Variants in DLGAP2 observed in about 807,000 individuals in gnomAD.
DLGAP2 encodes DLG associated protein 2.
A neutral mutation model predicts 100.3 loss-of-function variants in DLGAP2; 26 were observed. That is an observed-to-expected ratio of 0.26 (90% CI 0.19 to 0.36). The LOEUF (loss-of-function observed/expected upper bound fraction) is 0.36. DLGAP2 is among the 10% of genes least tolerant of loss of function. The pLI, the probability that DLGAP2 is intolerant of heterozygous loss-of-function variation, is 1.00. For synonymous variants in DLGAP2, 886 were observed against 630.1 expected (o/e 1.41, Z -6.08); for missense variants, 1,858 against 1,453.2 (o/e 1.28, Z -4.53).
chr8:1,309,150 A>T (rs1225694649), intron 3 of DLGAP2, among the ~76,000 whole-genome samples: 1 of 152,186 alleles, frequency 6.6e-6, no homozygotes, highest in East Asian at 1.9e-4. Context: ...AGAGTCTCCG[A>T]AAAGGGAAAA....
At chr8:942,312 T>C (rs1210321499) in intron 2 of DLGAP2, among the ~76,000 whole-genome samples, 1 of 152,212 alleles carries the variant, frequency 6.6e-6, no homozygotes, top group African/African-American at 2.4e-5. Context: ...ACATTTATTC[T>C]TCCCACTTCA....
chr8:823,027 T>C (rs1490558721), intron 1 of DLGAP2, among the ~76,000 whole-genome samples: 2 of 152,134 alleles, frequency 1.3e-5, no homozygotes, highest in Non-Finnish European at 2.9e-5. Flanking sequence ...CCAGAGGTGC[T>C]TTGCACTGAT....
chr8:1,011,754 G>C (rs1432042148), intron 2 of DLGAP2, among the ~76,000 whole-genome samples: 2 of 151,948 alleles, frequency 1.3e-5, no homozygotes, highest in Non-Finnish European at 1.5e-5. Context: ...AGTCTGCACA[G>C]TGGGCCCTGG....
At chr8:1,093,500 C>G (rs1265764635) in intron 2 of DLGAP2, among the ~76,000 whole-genome samples, 1 of 151,348 alleles carries the variant, frequency 6.6e-6, no homozygotes, top group African/African-American at 2.4e-5. Flanking sequence ...CAGCCAGAAA[C>G]ACCTTCACAC....
intron 1 of DLGAP2, among the ~76,000 whole-genome samples, chr8:850,888 C>A (rs1225614152): frequency 5.3e-5 from 8 of 151,824 alleles, no homozygotes; most frequent in Admixed American, 5.2e-4. Context: ...ACAAATTTTT[C>A]TCACAAAATA....
intron 1 of DLGAP2, among the ~76,000 whole-genome samples, chr8:893,748 C>T (rs1020735160): frequency 6.6e-6 from 1 of 152,248 alleles, no homozygotes; most frequent in Admixed American, 6.5e-5. Context: ...GTTTGCAGAG[C>T]ACCAGCCCTG....
chr8:1,651,588 C>T (rs1233425694), intron 8 of DLGAP2, among the ~76,000 whole-genome samples: 1 of 152,186 alleles, frequency 6.6e-6, no homozygotes, highest in Non-Finnish European at 1.5e-5. Context: ...ATATGCCCTG[C>T]CATGACCACC....
At chr8:763,634 G>A (rs1017782325) in intron 1 of DLGAP2, among the ~76,000 whole-genome samples, 2 of 152,140 alleles carry the variant, frequency 1.3e-5, no homozygotes, top group Non-Finnish European at 2.9e-5. Context: ...GATGGTGGTG[G>A]TCGGTGGCGA....
rs1584934355 is a variant in DLGAP2, at chr8:1,470,124, C to T, written c.107-31242C>T. 6.6e-5 allele frequency among the ~76,000 whole-genome samples: 10 copies of T among 152,082 alleles called. No individual in the cohort carries two copies. In the South Asian group the frequency reaches 1.9e-3, roughly 28 times the overall value. ...CTGCAATGAGCTGTGATCATGCCAC[C>T]GCACTGCAGCCTGGGTGACAGGGCC... On this transcript the variant is annotated intron_variant, in intron 3 of 14. Coordinates refer to ENST00000637795, the MANE Select transcript of DLGAP2 (RefSeq NM_001346810.2).
intron 2 of DLGAP2, among the ~76,000 whole-genome samples, chr8:1,186,319 C>T (rs552206926): frequency 5.4e-4 from 83 of 152,354 alleles, no homozygotes; most frequent in South Asian, 1.0e-3. Context: ...TAAGGCAGTT[C>T]ATAAAATTAT....
chr8:1,512,083 G>T (rs111713800), intron 4 of DLGAP2, among the ~76,000 whole-genome samples: 1 of 152,216 alleles, frequency 6.6e-6, no homozygotes, highest in Non-Finnish European at 1.5e-5. Context: ...CATCAGCCCA[G>T]GTAGGCAGGG....
intron 1 of DLGAP2, among the ~76,000 whole-genome samples, chr8:889,689 T>G (rs1797994937): frequency 6.6e-6 from 1 of 151,180 alleles, no homozygotes; most frequent in African/African-American, 2.4e-5. Context: ...TGCCGGGGAG[T>G]TTAGCATGTT....
intron 2 of DLGAP2, among the ~76,000 whole-genome samples, chr8:1,231,073 C>T (rs1450366662): frequency 1.3e-5 from 2 of 152,254 alleles, no homozygotes; most frequent in Admixed American, 1.3e-4. Flanking sequence ...AAACAGCCTA[C>T]AGAATGGGAG....
chr8:1,223,422 G>C (rs1483600777), intron 2 of DLGAP2, among the ~76,000 whole-genome samples: 1 of 152,146 alleles, frequency 6.6e-6, no homozygotes, highest in Admixed American at 6.5e-5. Flanking sequence ...TGTTCAGGGT[G>C]GGGAGAAGAA....
intron 8 of DLGAP2, among the ~76,000 whole-genome samples, chr8:1,646,451 C>T (rs1798043041): frequency 6.6e-6 from 1 of 152,170 alleles, no homozygotes; most frequent in East Asian, 1.9e-4. Flanking sequence ...TCTGTCCATC[C>T]ATCCCACCCA....
At chr8:1,011,962 G>A (rs73176528) in intron 2 of DLGAP2, among the ~76,000 whole-genome samples, 51,999 of 152,018 alleles carry the variant, frequency 0.34, 9,056 homozygotes, top group Admixed American at 0.4. Context: ...CGGATGTCTC[G>A]GCTCACTCTA....
intron 2 of DLGAP2, among the ~76,000 whole-genome samples, chr8:1,214,560 C>T (rs1420078293): frequency 6.6e-6 from 1 of 152,190 alleles, no homozygotes; most frequent in African/African-American, 2.4e-5. Flanking sequence ...GTGGAGTAAC[C>T]TTCTCACACG....
chr8:1,146,577 A>ACATGTGTGTGTG (rs1796610802), intron 2 of DLGAP2, among the ~76,000 whole-genome samples: 10 of 129,360 alleles, frequency 7.7e-5, no homozygotes, highest in Non-Finnish European at 1.5e-4. Context: ...ATGTGTGTGT[A>ACATGTGTGTGTG]TGCACATGTG....
intron 3 of DLGAP2, among the ~76,000 whole-genome samples, chr8:1,321,806 A>T (rs1162800564): frequency 6.6e-6 from 1 of 152,196 alleles, no homozygotes; most frequent in Non-Finnish European, 1.5e-5. Flanking sequence ...TAAGGCAAAG[A>T]ATGTGCTTGG....
Sources: allele counts gnomAD v4.1 joint callset (sites outside exome capture counted in the v4.1 genomes callset), GRCh38; gene constraint gnomAD v4.1.1; transcripts MANE v1.5; gene names NCBI Gene and HGNC (gene_info 2026-07-23, HGNC 2026-07-21).